Variants in PARD3B observed in about 807,000 individuals in gnomAD.
PARD3B encodes par-3 family cell polarity regulator beta, also known as partitioning defective 3 homolog B.
Under a neutral mutation model 130.2 loss-of-function variants are expected in PARD3B, and 103 were observed. The ratio of observed to expected loss-of-function variants is 0.79; its 90% confidence interval spans 0.67 to 0.93. The LOEUF is 0.93. Among genes scored for constraint, PARD3B ranks in the 40% least tolerant of loss-of-function variants. The pLI, the probability that PARD3B is intolerant of heterozygous loss-of-function variation, is 0.00. For synonymous variants in PARD3B, 583 were observed against 553.2 expected, an observed-to-expected ratio of 1.05 and a Z score of -0.76; for missense variants, 1,609 against 1,499.2, an observed-to-expected ratio of 1.07 and a Z score of -1.21.
At chr2:205,003,469 A>G (rs1695011287) in intron 3 of PARD3B, among the ~76,000 whole-genome samples, 1 of 152,140 alleles carries the variant, frequency 6.6e-6, no homozygotes, top group Non-Finnish European at 1.5e-5. Context: ...CTTACAAAGT[A>G]GGGCTTCCCC....
At chr2:204,608,694 A>T (rs942947113) in intron 1 of PARD3B, among the ~76,000 whole-genome samples, 3 of 152,170 alleles carry the variant, frequency 2.0e-5, no homozygotes, top group African/African-American at 7.2e-5. Flanking sequence ...ACAGTAGATT[A>T]TGATGCCCTG....
chr2:204,791,460 G>T (rs1013312863), intron 2 of PARD3B, among the ~76,000 whole-genome samples: 1 of 152,162 alleles, frequency 6.6e-6, no homozygotes, highest in Admixed American at 6.5e-5. Flanking sequence ...TTTACAGAAT[G>T]AATTTCTAAC....
At chr2:204,788,237 C>A (rs2042078885) in intron 2 of PARD3B, among the ~76,000 whole-genome samples, 1 of 152,208 alleles carries the variant, frequency 6.6e-6, no homozygotes, top group Non-Finnish European at 1.5e-5. Flanking sequence ...TACGCTGATA[C>A]TTTTCAAAGA....
At chr2:204,775,440 A>G (rs568335295) in intron 2 of PARD3B, among the ~76,000 whole-genome samples, 1 of 152,254 alleles carries the variant, frequency 6.6e-6, no homozygotes, top group Non-Finnish European at 1.5e-5. Context: ...TCCCCAAAAC[A>G]TTTTATAAAG....
rs1470840772 is a variant in PARD3B at position 205,011,312 on chromosome 2, G to C, written c.395-36269G>C. On this transcript the variant is annotated intron_variant, in intron 3 of 22. Coordinates refer to ENST00000406610, the MANE Select transcript of PARD3B (RefSeq NM_001302769.2). The surrounding 1 kb of genome is among the most constrained non-coding windows in gnomAD (Gnocchi z 4.1). The stretch of plus-strand genomic sequence containing the variant: ...GTAGCCAAGCTGTCATCTCAAGGAT[G>C]GGTCAGAGGGCTCACTCCTCAGCTC... 1.3e-5 allele frequency among the ~76,000 whole-genome samples: 2 copies of C among 152,140 alleles called. No individual in the cohort carries two copies. The highest frequency in any genetic ancestry group is 2.9e-5 in the Non-Finnish European group (2 of 68,018).
chr2:204,836,039 G>T (rs1440625308), intron 2 of PARD3B, among the ~76,000 whole-genome samples: 3 of 152,208 alleles, frequency 2.0e-5, no homozygotes, highest in Non-Finnish European at 4.4e-5. Context: ...TGAACATGAA[G>T]TGAAGGATGC....
chr2:205,306,518 A>G (rs948657964), intron 18 of PARD3B, among the ~76,000 whole-genome samples: 3 of 152,174 alleles, frequency 2.0e-5, no homozygotes, highest in South Asian at 2.1e-4. Context: ...ATTTTATTTC[A>G]GATGATTTGA....
chr2:205,405,086 G>A lies in PARD3B; in HGVS notation c.2741+3963G>A, dbSNP rs576007769. ...CCGAAACCATTTTGCTGCTATATAT[G>A]GATAGTTTATCTATAGCTACATGTA... On this transcript the variant is annotated intron_variant, in intron 19 of 22. Transcript: ENST00000406610. The surrounding 1 kb of genome is among the most constrained non-coding windows in gnomAD (Gnocchi z 4.1). Among the ~76,000 whole-genome samples the A allele has an allele frequency of 3.3e-5, 5 of 152,064 alleles. No individual in the cohort carries two copies. The highest frequency in any genetic ancestry group is 2.1e-4 in the South Asian group (1 of 4,818).
intron 19 of PARD3B, among the ~76,000 whole-genome samples, chr2:205,402,353 A>G (rs1006698255): frequency 1.3e-5 from 2 of 152,192 alleles, no homozygotes; most frequent in African/African-American, 4.8e-5. Flanking sequence ...CCAGGCTGAG[A>G]TTTTAATGCA....
At chr2:205,082,690 T>C (rs1701493252) in intron 4 of PARD3B, among the ~76,000 whole-genome samples, 1 of 152,158 alleles carries the variant, frequency 6.6e-6, no homozygotes, top group African/African-American at 2.4e-5. Context: ...ATTTTATTGG[T>C]TTCCATTCTT....
At chr2:204,821,977 T>G (rs1444169575) in intron 2 of PARD3B, among the ~76,000 whole-genome samples, 1 of 152,226 alleles carries the variant, frequency 6.6e-6, no homozygotes, top group Non-Finnish European at 1.5e-5. Flanking sequence ...TAATTTTGAC[T>G]TTCAAGTCTT....
chr2:204,910,506 G>A (rs969747770), intron 2 of PARD3B, among the ~76,000 whole-genome samples: 4 of 152,182 alleles, frequency 2.6e-5, no homozygotes, highest in African/African-American at 7.2e-5. Flanking sequence ...TTAAATATTG[G>A]CAGGTTTCAA....
At chr2:205,250,169 G>A (rs1006951382) in intron 16 of PARD3B, among the ~76,000 whole-genome samples, 6 of 151,096 alleles carry the variant, frequency 4.0e-5, no homozygotes, top group African/African-American at 1.5e-4. Flanking sequence ...TCAACCAATA[G>A]TTTAATGCTC....
chr2:205,040,361 G>A (rs1698309697), intron 3 of PARD3B, among the ~76,000 whole-genome samples: 1 of 152,162 alleles, frequency 6.6e-6, no homozygotes, highest in Non-Finnish European at 1.5e-5. Flanking sequence ...CATTTAGCCA[G>A]CAAGAAAAGG....
chr2:204,895,438 A>G (rs898261250), intron 2 of PARD3B, among the ~76,000 whole-genome samples: 1 of 152,122 alleles, frequency 6.6e-6, no homozygotes, highest in Non-Finnish European at 1.5e-5. Context: ...GTTATAACCC[A>G]GCCAAAGCTA....
chr2:205,014,987 G>A (rs1273482643), intron 3 of PARD3B, among the ~76,000 whole-genome samples: 3 of 152,094 alleles, frequency 2.0e-5, no homozygotes, highest in Admixed American at 2.0e-4. Flanking sequence ...TTATGCAGTT[G>A]ACTGTCGAAC....
intron 22 of PARD3B, among the ~76,000 whole-genome samples, chr2:205,603,453 T>TA (rs1157450304): frequency 6.6e-6 from 1 of 152,196 alleles, no homozygotes; most frequent in African/African-American, 2.4e-5. Context: ...AATGGGTTGT[T>TA]AAAGTCTCCT....
chr2:205,536,037 A>G (rs1323199704), intron 21 of PARD3B, among the ~76,000 whole-genome samples: 1 of 152,200 alleles, frequency 6.6e-6, no homozygotes, highest in Non-Finnish European at 1.5e-5. Flanking sequence ...GAAAATTGGA[A>G]TGGATCTAAA....
intron 4 of PARD3B, among the ~76,000 whole-genome samples, chr2:205,081,867 G>A (rs1701431967): frequency 1.3e-5 from 2 of 151,970 alleles, no homozygotes; most frequent in Admixed American, 1.3e-4. Flanking sequence ...TATTTATATG[G>A]CCTAGGTTTC....
Sources: allele counts gnomAD v4.1 joint callset (sites outside exome capture counted in the v4.1 genomes callset), GRCh38; gene constraint gnomAD v4.1.1; non-coding constraint Gnocchi (gnomAD v3.1); transcripts MANE v1.5; gene names NCBI Gene and HGNC (gene_info 2026-07-23, HGNC 2026-07-21).